Variants in FLG2 observed in about 807,000 individuals in gnomAD.
FLG2 encodes the protein filaggrin 2, also known as filaggrin-2.
A neutral mutation model predicts 3.9 loss-of-function variants in FLG2; 7 were observed. The ratio of observed to expected loss-of-function variants is 1.79; its 90% CI spans 1.02 to 3.36. The LOEUF is 3.36. FLG2 is among the 30% of genes most tolerant of loss of function. FLG2 has a pLI of 0.00. For synonymous variants in FLG2, 1,031 were observed against 1,056.1 expected (o/e 0.98, Z 0.46); for missense variants, 2,700 against 2,809.4 (o/e 0.96, Z 0.88).
Position 152,350,599 on chromosome 1 carries a change from G to A in FLG2, c.*11C>T. The stretch of plus-strand genomic sequence containing the variant: ...TTTGGATACTATAAGGTCAGAACTA[G>A]AAAATAACTGTCAATGTCTAGACAG... On this transcript the variant is annotated 3_prime_UTR_variant, in exon 3 of 3. Transcript: ENST00000388718. 1 of 1,606,214 alleles carries A rather than the reference G, an allele frequency of 6.2e-7. No individual in the cohort carries two copies. Among genetic ancestry groups the A allele is most frequent in the Non-Finnish European group, 8.5e-7 (1 of 1,176,240 alleles).
rs535435934 is a variant in FLG2 at position 152,350,474 on chromosome 1, T to C, written c.*136A>G. The C allele has an allele frequency of 8.0e-4, 925 of 1,156,682 alleles. 2 individuals are homozygous for C. Among genetic ancestry groups the C allele is most frequent in the Middle Eastern group, 4.8e-3 (18 of 3,716 alleles). 71.7% of individuals were successfully genotyped at this position (1,156,682 alleles called of 1,614,324 possible). Reference sequence around the variant, plus strand: ...CCATGACTAGATTCCTGACTTCTTATAATAATAGGTCGAGACTGATACTGA... The same window carrying C: ...CCATGACTAGATTCCTGACTTCTTACAATAATAGGTCGAGACTGATACTGA... On this transcript the variant is annotated 3_prime_UTR_variant, in exon 3 of 3. Transcript: ENST00000388718.
chr1:152,352,345 C>G lies in FLG2; in HGVS notation c.5441G>C (p.Gly1814Ala), dbSNP rs141327200. 4.9e-4 allele frequency: 787 copies of G among 1,612,480 alleles called. 4 individuals carry two copies. The African/African-American group carries it at 8.8e-3, about 18-fold the overall frequency. Reference sequence around the variant, plus strand: ...TCGTGAGTGTGGTCTTTGTGAGAACCCTGAGTGCCCTTCACTGTCACTGTA... The same window carrying G: ...TCGTGAGTGTGGTCTTTGTGAGAACGCTGAGTGCCCTTCACTGTCACTGTA... ...SEYSDSEGHS[G>A]FSQRPHSRGH... is the part of the protein sequence containing the mutation. Residue 1814 changes from glycine to alanine, a missense_variant, in exon 3 of 3, where the codon GGG becomes GCG. Transcript: ENST00000388718.
In FLG2 at chr1:152,356,993, AC is replaced by A. The variant is rs763587533; in HGVS notation, c.792del (p.Ser265LeufsTer172). 5.6e-6 allele frequency: 9 copies of A among 1,614,182 alleles called. No individual in the cohort carries two copies. Among genetic ancestry groups the A allele is most frequent in the Non-Finnish European group, 7.6e-6 (9 of 1,180,036 alleles). On this transcript the variant is annotated frameshift_variant, in exon 3 of 3. Transcript: ENST00000388718. LOFTEE classifies it low-confidence loss of function (END_TRUNC). The part of the protein sequence containing the change: ...TQSRIREQKL[G>X]SSCSGSGDSG... ...CTGTCTCCTGAACCTGAACAGCTAG[AC>A]CCAAGCTTTTGTTCTCTAATTCTTG...
Position 152,351,721 on chromosome 1 carries a change from G to A in FLG2, c.6065C>T (p.Thr2022Ile). 3 of 1,610,246 alleles carry A rather than the reference G, an allele frequency of 1.9e-6. No individual in the cohort carries two copies. The highest frequency in any genetic ancestry group is 1.7e-5 in the Admixed American group (1 of 59,468). Residue 2022 changes from threonine to isoleucine, a missense_variant, in exon 3 of 3, where the codon ACA becomes ATA. Physicochemically the swap from Thr to Ile is moderately conservative, Grantham distance 89 (BLOSUM62 -1). Transcript: ENST00000388718. ...GTGGCCAGATGCCCTTCTTCCAGTT[G>A]TCCTGGACCCTCTCTGTGTGGACTG... ...HGQSTQRGSRTTGRRASGHSE... is the reference protein window; with the variant it reads ...HGQSTQRGSRITGRRASGHSE...
Sources: allele counts gnomAD v4.1 joint callset, GRCh38; gene constraint gnomAD v4.1.1; transcripts MANE v1.5; gene names NCBI Gene and HGNC (gene_info 2026-07-23, HGNC 2026-07-21).